The following COL13A1 variants were observed in gnomAD, a reference collection of about 807,000 sequenced individuals.
The protein encoded by COL13A1 is collagen type XIII alpha 1 chain.
A neutral mutation model predicts 130.9 loss-of-function variants in COL13A1; 89 were observed. The ratio of observed to expected loss-of-function variants is 0.68; its 90% CI spans 0.57 to 0.81. COL13A1 has a LOEUF of 0.81. Ranked by LOEUF, COL13A1 falls within the 30% of genes least tolerant of loss-of-function variation. The probability of loss-of-function intolerance (pLI) is 0.00; values close to 1 mark genes in which losing one functional copy is unlikely to be tolerated. For missense variants in COL13A1, 879 were observed against 934.6 expected (o/e 0.94, Z 0.78); for synonymous variants, 402 against 341.6 (o/e 1.18, Z -1.95).
chr10:69,927,736 G>A (rs3793825), intron 27 of COL13A1, among the ~76,000 whole-genome samples: 35,462 of 152,102 alleles, frequency 0.23, 4,684 homozygotes, highest in East Asian at 0.42. Context: ...TTTCATGGCT[G>A]TGAGCCACAG....
chr10:69,859,815 C>T (rs887759536), intron 2 of COL13A1, among the ~76,000 whole-genome samples: 1 of 152,248 alleles, frequency 6.6e-6, no homozygotes, highest in African/African-American at 2.4e-5. Flanking sequence ...TCTGTGCGAG[C>T]TTCCAGACAG....
intron 2 of COL13A1, among the ~76,000 whole-genome samples, chr10:69,857,910 G>A (rs1856884301): frequency 7.4e-6 from 1 of 135,984 alleles, no homozygotes; most frequent in Admixed American, 7.6e-5. Context: ...GAGGTCAGGA[G>A]TTCGAGACCA....
chr10:69,891,581 C>A (rs1308454881), intron 10 of COL13A1, among the ~76,000 whole-genome samples: 1 of 152,210 alleles, frequency 6.6e-6, no homozygotes, highest in Non-Finnish European at 1.5e-5. Context: ...GCCCCTACCC[C>A]ATTCCCAGGC....
intron 1 of COL13A1, among the ~76,000 whole-genome samples, chr10:69,811,202 C>G (rs543995310): frequency 9.2e-5 from 14 of 152,310 alleles, no homozygotes; most frequent in African/African-American, 2.4e-4. Context: ...GCTCCTTCCT[C>G]CTGCCCACCA....
intron 2 of COL13A1, among the ~76,000 whole-genome samples, chr10:69,837,600 T>G (rs1445103025): frequency 2.0e-5 from 3 of 152,214 alleles, no homozygotes; most frequent in African/African-American, 4.8e-5. Flanking sequence ...AGATCCAGCC[T>G]CTTCTGCGCT....
At chr10:69,893,433 C>T (rs560371912) in intron 10 of COL13A1, among the ~76,000 whole-genome samples, 1 of 152,368 alleles carries the variant, frequency 6.6e-6, no homozygotes, top group African/African-American at 2.4e-5. Context: ...AAGGCCACTT[C>T]TCCCTTCCAG....
At chr10:69,842,186 A>G (rs945976251) in intron 2 of COL13A1, among the ~76,000 whole-genome samples, 7 of 152,158 alleles carry the variant, frequency 4.6e-5, no homozygotes, top group African/African-American at 1.7e-4. Context: ...CGTGGTAATG[A>G]ATAAGTCTCG....
chr10:69,935,722 C>T (rs944543509), intron 32 of COL13A1, among the ~76,000 whole-genome samples: 1 of 152,112 alleles, frequency 6.6e-6, no homozygotes, highest in African/African-American at 2.4e-5. Flanking sequence ...AGTGACTCAC[C>T]GGTCTGGCAC....
At chr10:69,954,783 A>G (rs1379002621) in intron 39 of COL13A1, 3 of 152,224 alleles carry the variant, frequency 2.0e-5, no homozygotes, top group Non-Finnish European at 1.5e-5. Context: ...TCATGATCAG[A>G]TGGCTTCTTA....
At chr10:69,902,427 C>A (rs1385696355) in intron 14 of COL13A1, among the ~76,000 whole-genome samples, 2 of 152,194 alleles carry the variant, frequency 1.3e-5, no homozygotes, top group East Asian at 3.9e-4. Flanking sequence ...TGGGAGCAGG[C>A]CTTTGGTTGG....
At chr10:69,879,860 T>C (rs1012459310) in intron 6 of COL13A1, among the ~76,000 whole-genome samples, 18 of 152,198 alleles carry the variant, frequency 1.2e-4, no homozygotes, top group African/African-American at 4.1e-4. Context: ...CCCCTCCATG[T>C]CATTCTGAAA....
At chr10:69,947,097 T>C (rs994391718) in intron 37 of COL13A1, among the ~76,000 whole-genome samples, 3 of 152,218 alleles carry the variant, frequency 2.0e-5, no homozygotes, top group Admixed American at 2.0e-4. Flanking sequence ...CTGAAGTGTG[T>C]TCTTGGCTTT....
intron 38 of COL13A1, among the ~76,000 whole-genome samples, chr10:69,948,252 T>A (rs892480810): frequency 6.6e-6 from 1 of 152,114 alleles, no homozygotes; most frequent in Admixed American, 6.5e-5. Flanking sequence ...AGAACCCAGG[T>A]CTTGTGGCTG....
chr10:69,923,105 T>C (rs1328210147), intron 23 of COL13A1, among the ~76,000 whole-genome samples: 1 of 152,166 alleles, frequency 6.6e-6, no homozygotes, highest in East Asian at 1.9e-4. Flanking sequence ...ATGCTGTAAC[T>C]GAGTCAAGGA....
chr10:69,863,494 C>T (rs1858817912), intron 2 of COL13A1, among the ~76,000 whole-genome samples: 1 of 152,056 alleles, frequency 6.6e-6, no homozygotes, highest in Admixed American at 6.5e-5. Flanking sequence ...TTCTAGGAGC[C>T]CAGCGGTCAA....
intron 2 of COL13A1, among the ~76,000 whole-genome samples, chr10:69,860,487 C>A (rs532552827): frequency 3.3e-5 from 5 of 152,230 alleles, no homozygotes; most frequent in Non-Finnish European, 7.3e-5. Flanking sequence ...AGGAACTCAG[C>A]CACTTCCTGC....
Position 69,922,479 on chromosome 10 carries a change from G to T in COL13A1, c.1144-229G>T, listed in dbSNP as rs78749333. Among the ~76,000 whole-genome samples, 475 of 152,260 alleles carry T rather than the reference G, an allele frequency of 3.1e-3. 3 individuals carry two copies. Among genetic ancestry groups the T allele is most frequent in the African/African-American group, 0.011 (454 of 41,554 alleles). On this transcript the variant is annotated intron_variant, in intron 22 of 40. Transcript: ENST00000645393. The stretch of plus-strand genomic sequence containing the variant: ...CCGTGGAATACACTTTGAGAAACAC[G>T]GCTCCAGACCCAGTTTTGAAGGATC...
intron 2 of COL13A1, among the ~76,000 whole-genome samples, chr10:69,844,087 G>A (rs1267327129): frequency 6.6e-6 from 1 of 152,202 alleles, no homozygotes; most frequent in Non-Finnish European, 1.5e-5. Context: ...AAGCCCTGAG[G>A]GCTTCCCGGA....
chr10:69,852,662 C>A (rs1855226435), intron 2 of COL13A1, among the ~76,000 whole-genome samples: 1 of 152,256 alleles, frequency 6.6e-6, no homozygotes, highest in Admixed American at 6.5e-5. Flanking sequence ...AGCCTTGCAG[C>A]CCCACGGAAC....
Sources: allele counts gnomAD v4.1 joint callset (sites outside exome capture counted in the v4.1 genomes callset), GRCh38; gene constraint gnomAD v4.1.1; transcripts MANE v1.5; gene names NCBI Gene and HGNC (gene_info 2026-07-23, HGNC 2026-07-21).